SPIDR: variants seen among roughly 807,000 people sequenced by gnomAD.
The protein encoded by SPIDR is DNA repair-scaffolding protein.
A neutral mutation model predicts 104.6 loss-of-function variants in SPIDR; 93 were observed. That is an observed-to-expected ratio of 0.89 (90% CI 0.75 to 1.06). The LOEUF (loss-of-function observed/expected upper bound fraction) is 1.06. Ranked by LOEUF, SPIDR falls within the 50% of genes least tolerant of loss-of-function variation. The pLI is 0.00. For missense variants in SPIDR, 1,154 were observed against 1,111.2 expected, an observed-to-expected ratio of 1.04 and a Z score of -0.55; for synonymous variants, 431 against 416.9, an observed-to-expected ratio of 1.03 and a Z score of -0.41.
chr8:47,403,798 A>G (rs564146743), intron 6 of SPIDR, among the ~76,000 whole-genome samples: 25 of 152,334 alleles, frequency 1.6e-4, no homozygotes, highest in East Asian at 1.2e-3. Flanking sequence ...TATAGATTCA[A>G]TGCCATCCCC....
intron 11 of SPIDR, 67 bp from the exon 12 acceptor site, chr8:47,700,336 A>G (rs1589311036): frequency 1.3e-6 from 2 of 1,507,946 alleles, no homozygotes; most frequent in East Asian, 2.3e-5. Flanking sequence ...GCATTCTACC[A>G]GCTCACTGGC....
At chr8:47,432,878 C>A (rs1554690090) in intron 7 of SPIDR, among the ~76,000 whole-genome samples, 1 of 152,152 alleles carries the variant, frequency 6.6e-6, no homozygotes, top group Non-Finnish European at 1.5e-5. Flanking sequence ...GAATACCATT[C>A]AGGTGGGCCT....
intron 8 of SPIDR, among the ~76,000 whole-genome samples, chr8:47,545,025 C>T (rs76528823): frequency 0.013 from 1,935 of 151,436 alleles, 50 homozygotes; most frequent in African/African-American, 0.044. Flanking sequence ...GCATACAGCT[C>T]TTACAGGTAT....
At chr8:47,635,713 C>T (rs572756164) in intron 10 of SPIDR, among the ~76,000 whole-genome samples, 54 of 152,020 alleles carry the variant, frequency 3.6e-4, no homozygotes, top group Non-Finnish European at 5.9e-4. Context: ...GGCAACATAG[C>T]AAGACCCTGT....
At chr8:47,327,460 T>C (rs1162347032) in intron 5 of SPIDR, among the ~76,000 whole-genome samples, 1 of 151,438 alleles carries the variant, frequency 6.6e-6, no homozygotes, top group Non-Finnish European at 1.5e-5. Flanking sequence ...GGCACAATCA[T>C]GGCTCACTAT....
intron 5 of SPIDR, among the ~76,000 whole-genome samples, chr8:47,349,288 C>T (rs1031004712): frequency 6.6e-6 from 1 of 152,212 alleles, no homozygotes; most frequent in Non-Finnish European, 1.5e-5. Flanking sequence ...GGCTGCAGAA[C>T]AGCAAATATT....
At chr8:47,520,028 C>T (rs553497659) in intron 8 of SPIDR, among the ~76,000 whole-genome samples, 1 of 152,262 alleles carries the variant, frequency 6.6e-6, no homozygotes, top group South Asian at 2.1e-4. Flanking sequence ...CATCCTGAAT[C>T]CTGTGGGAGG....
At chr8:47,636,755 G>A (rs1445467911) in intron 10 of SPIDR, among the ~76,000 whole-genome samples, 1 of 151,142 alleles carries the variant, frequency 6.6e-6, no homozygotes, top group African/African-American at 2.4e-5. Flanking sequence ...GTTCAAGGCT[G>A]CAGCGAGCCA....
At position 47,713,486 on chromosome 8, in the gene SPIDR, CA is replaced by C. The variant is rs1296719852; in HGVS notation, c.2189-2del. 5 of 1,614,018 alleles carry C rather than the reference CA, an allele frequency of 3.1e-6. No homozygotes were observed. The African/African-American group carries it at 6.7e-5, about 22-fold the overall frequency. ...CAATAACCTGAAGTGTCTCTGTCGG[CA>C]GGTCGGATTGTTTGTGCTGAACGAA... is the stretch of plus-strand genomic sequence containing the variant. On this transcript the variant is annotated splice_acceptor_variant, in intron 15 of 19. Coordinates refer to ENST00000297423, the MANE Select transcript of SPIDR (RefSeq NM_001080394.4). LOFTEE classifies it high-confidence loss of function.
At chr8:47,512,518 G>A (rs1254012256) in intron 8 of SPIDR, among the ~76,000 whole-genome samples, 1 of 152,202 alleles carries the variant, frequency 6.6e-6, no homozygotes, top group Admixed American at 6.5e-5. Context: ...CATGAAGGAG[G>A]TTTTAGTATA....
At chr8:47,427,442 T>A (rs1433279114) in intron 7 of SPIDR, among the ~76,000 whole-genome samples, 4 of 152,136 alleles carry the variant, frequency 2.6e-5, no homozygotes, top group Non-Finnish European at 4.4e-5. Flanking sequence ...TACTAAAAAA[T>A]TAATACTTCT....
At chr8:47,354,263 A>G (rs1277983976) in intron 5 of SPIDR, among the ~76,000 whole-genome samples, 1 of 152,154 alleles carries the variant, frequency 6.6e-6, no homozygotes, top group African/African-American at 2.4e-5. Flanking sequence ...GTATATACCT[A>G]TGAAGATATA....
chr8:47,619,434 A>G (rs1302979678), intron 10 of SPIDR, among the ~76,000 whole-genome samples: 1 of 152,080 alleles, frequency 6.6e-6, no homozygotes, highest in Non-Finnish European at 1.5e-5. Context: ...ACATTGCTCT[A>G]CTGCAGCCCC....
At chr8:47,639,853 C>T (rs535535105) in intron 10 of SPIDR, among the ~76,000 whole-genome samples, 28 of 151,600 alleles carry the variant, frequency 1.8e-4, no homozygotes, top group Middle Eastern at 6.8e-3. Context: ...GAGGCCGAGG[C>T]AGGAGAATCG....
At chr8:47,362,676 G>A (rs1320801853) in intron 5 of SPIDR, among the ~76,000 whole-genome samples, 4 of 152,118 alleles carry the variant, frequency 2.6e-5, no homozygotes, top group African/African-American at 7.2e-5. Context: ...TTTTCGAGAC[G>A]GAGTCTGACT....
chr8:47,540,866 T>G (rs983703808), intron 8 of SPIDR, among the ~76,000 whole-genome samples: 1 of 152,212 alleles, frequency 6.6e-6, no homozygotes, highest in South Asian at 2.1e-4. Context: ...GTGGTTTTAA[T>G]TAACACTCTT....
intron 8 of SPIDR, among the ~76,000 whole-genome samples, chr8:47,466,579 G>A (rs1554717032): frequency 6.6e-6 from 1 of 152,034 alleles, no homozygotes; most frequent in East Asian, 1.9e-4. Context: ...TAGAAAGATT[G>A]GCTAGGTGCA....
chr8:47,559,429 T>C (rs2056791736), intron 8 of SPIDR, among the ~76,000 whole-genome samples: 1 of 152,228 alleles, frequency 6.6e-6, no homozygotes, highest in Admixed American at 6.5e-5. Context: ...GTTGACCAGA[T>C]TGGAACACAC....
At chr8:47,728,738 A>C (rs2084714893) in intron 17 of SPIDR, 195 bp from the exon 18 acceptor site, 1 of 542,734 alleles carries the variant, frequency 1.8e-6, no homozygotes, top group African/African-American at 2.0e-5. Context: ...TACTCGTGCT[A>C]CTCGAAGCTA....
Sources: gnomAD v4.1 joint callset for allele counts (sites outside exome capture counted in the v4.1 genomes callset) on GRCh38, gnomAD v4.1.1 for gene constraint, MANE v1.5 for transcripts, NCBI Gene and HGNC (gene_info 2026-07-23, HGNC 2026-07-21) for gene names.